The following PDE10A variants were observed in gnomAD, a reference collection of about 807,000 sequenced individuals.
The protein encoded by PDE10A is phosphodiesterase 10A.
In PDE10A, 39 loss-of-function variants were observed where a neutral mutation model predicts 97.7. The ratio of observed to expected loss-of-function variants is 0.40; its 90% CI spans 0.31 to 0.52. The LOEUF (loss-of-function observed/expected upper bound fraction) is 0.52. Among genes scored for constraint, PDE10A ranks in the 20% least tolerant of loss-of-function variants. The pLI, the probability that PDE10A is intolerant of heterozygous loss-of-function variation, is 0.56. For missense variants in PDE10A, 731 were observed against 1,047.8 expected (o/e 0.70, Z 4.17); for synonymous variants, 371 against 376.8 (o/e 0.98, Z 0.18).
At position 165,555,149 on chromosome 6, in the gene PDE10A, G is replaced by A. The variant is rs533866232; in HGVS notation, c.866-11581C>T. ...ATAGTCAATAATAACCTACCTGTAC[G>A]TTTTAAAATAAAGAATGTAATTGGA... On this transcript the variant is annotated intron_variant, in intron 1 of 21. Coordinates refer to ENST00000539869, the MANE Select transcript of PDE10A (RefSeq NM_001385079.1). Among the ~76,000 whole-genome samples the A allele has an allele frequency of 2.4e-4, 37 of 152,140 alleles. No homozygotes were observed. The South Asian group carries it at 3.5e-3, about 15-fold the overall frequency.
At chr6:165,512,259 T>C (rs936241056) in intron 2 of PDE10A, among the ~76,000 whole-genome samples, 1 of 151,982 alleles carries the variant, frequency 6.6e-6, no homozygotes, top group East Asian at 1.9e-4. Flanking sequence ...AGTTTAGGAC[T>C]TCCTTGAACA....
chr6:165,933,188 C>T (rs926245430), intron 1 of PDE10A, among the ~76,000 whole-genome samples: 1 of 152,080 alleles, frequency 6.6e-6, no homozygotes, highest in Non-Finnish European at 1.5e-5. Context: ...TACAGGGTGT[C>T]TAGACATGAG....
At chr6:165,957,132 G>A (rs925094752) in intron 1 of PDE10A, among the ~76,000 whole-genome samples, 2 of 152,142 alleles carry the variant, frequency 1.3e-5, no homozygotes, top group Non-Finnish European at 2.9e-5. Flanking sequence ...TATGAGGGTA[G>A]GGGTGAGAAA....
chr6:165,571,333 C>T (rs184682315), intron 1 of PDE10A, among the ~76,000 whole-genome samples: 2 of 152,270 alleles, frequency 1.3e-5, no homozygotes, highest in African/African-American at 4.8e-5. Context: ...GAGAAGCAAA[C>T]ACCATGAAAT....
At chr6:165,971,987 A>G (rs1008365511) in intron 1 of PDE10A, among the ~76,000 whole-genome samples, 3 of 152,132 alleles carry the variant, frequency 2.0e-5, no homozygotes, top group Admixed American at 6.5e-5. Flanking sequence ...GATACCTGAC[A>G]CAGTAGCAAT....
intron 1 of PDE10A, among the ~76,000 whole-genome samples, chr6:165,629,827 C>G (rs779536425): frequency 6.6e-6 from 1 of 152,128 alleles, no homozygotes; most frequent in Non-Finnish European, 1.5e-5. Flanking sequence ...AGCCACCACA[C>G]GCAGCCTTAA....
chr6:165,544,495 A>C (rs1783632748), intron 1 of PDE10A, among the ~76,000 whole-genome samples: 1 of 151,988 alleles, frequency 6.6e-6, no homozygotes, highest in Non-Finnish European at 1.5e-5. Context: ...ATTATCCTTC[A>C]GTGACGGGAA....
intron 1 of PDE10A, among the ~76,000 whole-genome samples, chr6:165,828,240 C>G (rs946429372): frequency 6.6e-6 from 1 of 152,172 alleles, no homozygotes; most frequent in African/African-American, 2.4e-5. Context: ...TACTAAACAC[C>G]TACTGTTACA....
At chr6:165,574,451 G>A (rs143950123) in intron 1 of PDE10A, among the ~76,000 whole-genome samples, 6 of 152,220 alleles carry the variant, frequency 3.9e-5, no homozygotes, top group African/African-American at 9.6e-5. Flanking sequence ...ACTGGAGCCA[G>A]GATTGAGGGA....
chr6:165,524,537 A>G (rs553409867), intron 2 of PDE10A, among the ~76,000 whole-genome samples: 2 of 152,346 alleles, frequency 1.3e-5, no homozygotes, highest in Admixed American at 1.3e-4. Flanking sequence ...GAACCAAGGA[A>G]CATAATGAAG....
intron 1 of PDE10A, among the ~76,000 whole-genome samples, chr6:165,893,948 G>A (rs1252395820): frequency 6.6e-6 from 1 of 151,868 alleles, no homozygotes. Context: ...GTCAAAGTTG[G>A]CAATGAAGAT....
chr6:165,972,396 C>T (rs1174449113), intron 1 of PDE10A, among the ~76,000 whole-genome samples: 2 of 152,120 alleles, frequency 1.3e-5, no homozygotes, highest in African/African-American at 4.8e-5. Context: ...CCTCTCCTCT[C>T]ACCCTACCCT....
At chr6:165,530,685 C>T (rs1782725975) in intron 2 of PDE10A, among the ~76,000 whole-genome samples, 1 of 152,070 alleles carries the variant, frequency 6.6e-6, no homozygotes, top group African/African-American at 2.4e-5. Context: ...TGATGCTCCA[C>T]AAACGTAATA....
chr6:165,589,381 G>T (rs572926000), intron 1 of PDE10A, among the ~76,000 whole-genome samples: 4 of 152,182 alleles, frequency 2.6e-5, no homozygotes, highest in African/African-American at 9.6e-5. Context: ...TTCTCTTAAA[G>T]ATTTATTACT....
At chr6:165,952,326 T>C (rs913218208) in intron 1 of PDE10A, among the ~76,000 whole-genome samples, 26 of 152,250 alleles carry the variant, frequency 1.7e-4, no homozygotes, top group African/African-American at 5.8e-4. Context: ...ATACAGCTCC[T>C]AAAGAAACCA....
At chr6:165,950,815 A>G (rs1783930817) in intron 1 of PDE10A, among the ~76,000 whole-genome samples, 1 of 152,250 alleles carries the variant, frequency 6.6e-6, no homozygotes, top group African/African-American at 2.4e-5. Context: ...CTGAATCCCC[A>G]GACATGAACC....
chr6:165,716,549 A>G (rs566342561), intron 1 of PDE10A, among the ~76,000 whole-genome samples: 15 of 152,360 alleles, frequency 9.8e-5, no homozygotes, highest in African/African-American at 3.4e-4. Context: ...AGCAGTTTCA[A>G]TGGAATACTG....
chr6:165,945,513 C>T (rs537710504), intron 1 of PDE10A, among the ~76,000 whole-genome samples: 1 of 152,142 alleles, frequency 6.6e-6, no homozygotes, highest in Non-Finnish European at 1.5e-5. Context: ...GGAGGTGGGG[C>T]CTTTTGGGGG....
intron 1 of PDE10A, among the ~76,000 whole-genome samples, chr6:165,719,318 C>A (rs1307772005): frequency 6.6e-6 from 1 of 152,130 alleles, no homozygotes; most frequent in African/African-American, 2.4e-5. Context: ...AGCTCATTAT[C>A]GGCAGGGATC....
Sources: gnomAD v4.1 joint callset for allele counts (sites outside exome capture counted in the v4.1 genomes callset) on GRCh38, gnomAD v4.1.1 for gene constraint, MANE v1.5 for transcripts, NCBI Gene and HGNC (gene_info 2026-07-23, HGNC 2026-07-21) for gene names.